The following ESAM variants were observed in gnomAD, a reference collection of about 807,000 sequenced individuals.
The protein encoded by ESAM is endothelial cell adhesion molecule.
Under a neutral mutation model 31.8 loss-of-function variants are expected in ESAM, and 23 were observed. The observed-to-expected ratio is 0.72, with a 90% confidence interval of 0.52 to 1.03. The LOEUF (loss-of-function observed/expected upper bound fraction) is 1.03. ESAM is among the 50% of genes least tolerant of loss of function. The probability of loss-of-function intolerance (pLI) is 0.00; values close to 1 mark genes in which losing one functional copy is unlikely to be tolerated. For missense variants in ESAM, 478 were observed against 488.9 expected (o/e 0.98, Z 0.21); for synonymous variants, 216 against 207.2 (o/e 1.04, Z -0.37).
chr11:124,757,309 T>C (rs7114238), intron 2 of ESAM: 32,248 of 156,288 alleles, frequency 0.21, 5,089 homozygotes, highest in African/African-American at 0.45. Flanking sequence ...CGTGTGCTTG[T>C]AGTCCCAGCT....
Position 124,762,034 on chromosome 11 carries a change from A to T in ESAM, c.70+51T>A. On this transcript the variant is annotated intron_variant, in intron 1 of 6. Transcript: ENST00000278927. The surrounding 1 kb of genome is among the most constrained non-coding windows in gnomAD (Gnocchi z 6.4). ...GGCCAAAGTTCTCCCTCAGGGTCGA[A>T]CTCACCCCATCCCGCATCCCAAGTC... 6.5e-7 allele frequency: 1 copy of T among 1,541,140 alleles called. No individual in the cohort carries two copies. Among genetic ancestry groups the T allele is most frequent in the Non-Finnish European group, 8.9e-7 (1 of 1,126,706 alleles).
intron 1 of ESAM, among the ~76,000 whole-genome samples, chr11:124,761,358 C>T (rs997892461): frequency 6.6e-6 from 1 of 152,192 alleles, no homozygotes; most frequent in African/African-American, 2.4e-5. Context: ...CAAACACTTG[C>T]TCCAAGGAGG....
chr11:124,761,861 C>T (rs1430027964), intron 1 of ESAM, among the ~76,000 whole-genome samples: 1 of 151,986 alleles, frequency 6.6e-6, no homozygotes, highest in Non-Finnish European at 1.5e-5. Flanking sequence ...CGAGAGATGC[C>T]CTTACCTCCC....
rs1266422815 is a variant in ESAM at position 124,762,158 on chromosome 11, C to T, written c.-4G>A. On this transcript the variant is annotated 5_prime_UTR_variant, in exon 1 of 7. Transcript: ENST00000278927. This position sits in a 1 kb window ranked among gnomAD's most constrained non-coding sequence, Gnocchi z 6.4. Reference sequence around the variant, plus strand: ...GGGGCCCCGGGAGGGAAATCATGGCCCTCCCTGGCCGGGACGGAGTCAGGG... The same window carrying T: ...GGGGCCCCGGGAGGGAAATCATGGCTCTCCCTGGCCGGGACGGAGTCAGGG... The T allele has an allele frequency of 3.1e-6, 5 of 1,606,884 alleles. No individual in the cohort carries two copies. Among genetic ancestry groups the T allele is most frequent in the South Asian group, 2.2e-5 (2 of 90,542 alleles).
intron 2 of ESAM, chr11:124,757,010 A>G: frequency 2.0e-6 from 1 of 488,208 alleles, no homozygotes; most frequent in Admixed American, 3.4e-5. Flanking sequence ...TAGTGGGAGG[A>G]GGGACATGTA....
intron 4 of ESAM, among the ~76,000 whole-genome samples, chr11:124,755,433 C>T (rs1944141685): frequency 1.3e-5 from 2 of 151,078 alleles, no homozygotes; most frequent in Non-Finnish European, 2.9e-5. Context: ...ATAAATAAAA[C>T]AGTGAATGTT....
At position 124,754,758 on chromosome 11, in the gene ESAM, T is replaced by C. The variant is rs532184875; in HGVS notation, c.613A>G (p.Ile205Val). 9 of 1,612,774 alleles carry C rather than the reference T, an allele frequency of 5.6e-6. No homozygotes were observed. The African/African-American group carries it at 1.1e-4, about 19-fold the overall frequency. Residue 205 changes from isoleucine to valine, a missense_variant, in exon 5 of 7, where the codon ATC becomes GTC. Physicochemically the swap from Ile to Val is conservative, Grantham distance 29. Coordinates refer to ENST00000278927, the MANE Select transcript of ESAM (RefSeq NM_138961.3). This position sits in a 1 kb window ranked among gnomAD's most constrained non-coding sequence, Gnocchi z 4.5. ...TTGGTGAGGCTTAAAGACCCACGGA[T>C]GACATCTGTGGACACAATTTAGCCA... is the stretch of plus-strand genomic sequence containing the variant. ...QTFFAPALDV[I>V]RGSLSLTNLS...
chr11:124,758,260 C>T (rs1944179847), intron 2 of ESAM, 89 bp downstream of exon 2: 3 of 1,521,470 alleles, frequency 2.0e-6, no homozygotes, highest in Non-Finnish European at 2.7e-6. Flanking sequence ...CCCCCATTCC[C>T]TCTCCACCCC....
intron 1 of ESAM, among the ~76,000 whole-genome samples, chr11:124,761,373 C>T (rs918957143): frequency 2.6e-5 from 4 of 152,188 alleles, no homozygotes; most frequent in African/African-American, 7.2e-5. Context: ...AGGAGGTTCC[C>T]TTCCTCTCTG....
In ESAM at chr11:124,758,349, C is replaced by T. The variant is rs774429097; in HGVS notation, c.249G>A (p.Gln83=). ...WFFKQKEKED[Q]VLSYINGVTT... ...TGGCTGACAGGCGTTCTTCCCTCACCTGATCCTCCTTTTCTTTCTGTTTGA... is the reference window on the plus strand; with the variant it reads ...TGGCTGACAGGCGTTCTTCCCTCACTTGATCCTCCTTTTCTTTCTGTTTGA... Residue 83 remains glutamine, a splice_region_variant and synonymous_variant, in exon 2 of 7, where the codon CAG becomes CAA. Coordinates refer to ENST00000278927, the MANE Select transcript of ESAM (RefSeq NM_138961.3). The T allele has an allele frequency of 6.2e-6, 10 of 1,614,176 alleles. No homozygotes were observed. The highest frequency in any genetic ancestry group is 8.5e-6 in the Non-Finnish European group (10 of 1,180,034).
At chr11:124,756,423 C>A in intron 3 of ESAM, 61 bp from the exon 4 acceptor site, 1 of 1,578,534 alleles carries the variant, frequency 6.3e-7, no homozygotes, top group South Asian at 1.2e-5. Context: ...TCTCCCTCTG[C>A]CCTGCACCCT....
Position 124,762,148 on chromosome 11 carries a change from A to T in ESAM, c.7T>A (p.Ser3Thr). ...TTGGTCACCAGGGGCCCCGGGAGGG[A>T]AATCATGGCCCTCCCTGGCCGGGAC... MI[S>T]LPGPLVTNLL... Residue 3 changes from serine to threonine, a missense_variant, in exon 1 of 7, where the codon TCC becomes ACC. Transcript: ENST00000278927. This position sits in a 1 kb window ranked among gnomAD's most constrained non-coding sequence, Gnocchi z 6.4. 3.7e-6 allele frequency: 6 copies of T among 1,609,384 alleles called. No individual in the cohort carries two copies. Among genetic ancestry groups the T allele is most frequent in the Non-Finnish European group, 5.1e-6 (6 of 1,177,930 alleles).
In ESAM at chr11:124,756,652, C is replaced by T; in HGVS notation, c.340G>A (p.Glu114Lys). 6.2e-7 allele frequency: 1 copy of T among 1,614,180 alleles called. No homozygotes were observed. Among genetic ancestry groups the T allele is most frequent in the Middle Eastern group, 1.7e-4 (1 of 6,058 alleles). ...CCAGAGTCTTTCTCCTGGAGACCCT[C>T]CAGCCGCAGGGACAGGTTCCGGGAG... ...MPSRNLSLRL[E>K]GLQEKDSGPY... Residue 114 changes from glutamate (E) to lysine (K), a missense_variant, in exon 3 of 7, where the codon GAG becomes AAG. Transcript: ENST00000278927.
At chr11:124,760,065 C>T (rs970402910) in intron 1 of ESAM, among the ~76,000 whole-genome samples, 1 of 152,232 alleles carries the variant, frequency 6.6e-6, no homozygotes, top group African/African-American at 2.4e-5. Context: ...CAGCGACCTC[C>T]CCAGGTCCCA....
chr11:124,756,103 G>T (rs2134458504), intron 4 of ESAM, 104 bp downstream of exon 4: 2 of 1,492,400 alleles, frequency 1.3e-6, no homozygotes, highest in Non-Finnish European at 9.1e-7. Flanking sequence ...CTCCTCCCCA[G>T]TGCTTGTCAG....
In ESAM at chr11:124,756,551, G is replaced by C; in HGVS notation, c.441C>G (p.Leu147=). Residue 147 remains leucine, a synonymous_variant, in exon 3 of 7, where the codon CTC becomes CTG. Transcript: ENST00000278927. ...CTGCTTCTCACTCACCCAGTACATT[G>C]AGTTCTAAGGTTTTGATGCTGTGGC... ...SRGHSIKTLE[L]NVLVPPAPPS... 1 of 1,614,068 alleles carries C rather than the reference G, an allele frequency of 6.2e-7. No homozygotes were observed. The highest frequency in any genetic ancestry group is 1.1e-5 in the South Asian group (1 of 91,074).
rs892867145 is a variant in ESAM at position 124,753,409 on chromosome 11, G to A, written c.*237C>T. 75 of 540,570 alleles carry A rather than the reference G, an allele frequency of 1.4e-4. No individual in the cohort carries two copies. Among genetic ancestry groups the A allele is most frequent in the Admixed American group, 5.6e-4 (16 of 28,704 alleles). 33.5% of individuals were successfully genotyped at this position (540,570 alleles called of 1,614,324 possible). ...CTAATTTCAGCAGCTGGCTTCATAAGGAGGAGTCAGGGGTGGGTGGAGGCT... is the reference window on the plus strand; with the variant it reads ...CTAATTTCAGCAGCTGGCTTCATAAAGAGGAGTCAGGGGTGGGTGGAGGCT... On this transcript the variant is annotated 3_prime_UTR_variant, in exon 7 of 7. Transcript: ENST00000278927.
Position 124,754,305 on chromosome 11 carries a change from C to G in ESAM, c.766G>C (p.Gly256Arg). The change falls in exon 6 of 7, where the codon GGT becomes CGT. Residue 256 changes from glycine to arginine, a missense_variant. Physicochemically the swap from Gly to Arg is moderately radical, Grantham distance 125 (BLOSUM62 -2). Coordinates refer to ENST00000278927, the MANE Select transcript of ESAM (RefSeq NM_138961.3). This position sits in a 1 kb window ranked among gnomAD's most constrained non-coding sequence, Gnocchi z 4.5. ...AGCAACCCCAGTCCAACCAGGGTAC[C>G]CACAACAGCTCCAGCAACCACTGCA... ...GAAVVAGAVV[G>R]TLVGLGLLAG... 1 of 1,614,086 alleles carries G rather than the reference C, an allele frequency of 6.2e-7. No homozygotes were observed. Among genetic ancestry groups the G allele is most frequent in the South Asian group, 1.1e-5 (1 of 91,080 alleles).
intron 2 of ESAM, chr11:124,756,964 C>T (rs1385478311): frequency 8.8e-6 from 5 of 566,822 alleles, no homozygotes; most frequent in Non-Finnish European, 1.6e-5. Context: ...CGCATTGTCT[C>T]ATCTCCCAAT....
Sources: allele counts gnomAD v4.1 joint callset (sites outside exome capture counted in the v4.1 genomes callset), GRCh38; gene constraint gnomAD v4.1.1; non-coding constraint Gnocchi (gnomAD v3.1); transcripts MANE v1.5; gene names NCBI Gene and HGNC (gene_info 2026-07-23, HGNC 2026-07-21).